Variants in BEGAIN observed in about 807,000 individuals in gnomAD.
BEGAIN encodes brain-enriched guanylate kinase-associated protein.
In BEGAIN, 19 loss-of-function variants were observed where a neutral mutation model predicts 35.8. That is an observed-to-expected ratio of 0.53 (90% CI 0.37 to 0.78). The LOEUF is 0.78. Among genes scored for constraint, BEGAIN ranks in the 30% least tolerant of loss-of-function variants. The pLI is 0.00. For synonymous variants in BEGAIN, 462 were observed against 388.6 expected (o/e 1.19, Z -2.22); for missense variants, 795 against 853.6 (o/e 0.93, Z 0.85).
rs1301339942 is a variant in BEGAIN at position 100,567,838 on chromosome 14, C to T, written c.71+73G>A. 12 of 1,395,510 alleles carry T rather than the reference C, an allele frequency of 8.6e-6. No homozygotes were observed. The South Asian group carries it at 1.0e-4, about 12-fold the overall frequency. 86.4% of individuals were successfully genotyped at this position (1,395,510 alleles called of 1,614,324 possible). ...GGATGCGCTCGGGTGGAGCCCCCTT[C>T]CCCCGCCTTCCCCAGCGCCCTCACC... is the stretch of plus-strand genomic sequence containing the variant. On this transcript the variant is annotated intron_variant, in intron 2 of 6. Coordinates refer to ENST00000554140, the MANE Select transcript of BEGAIN (RefSeq NM_001385089.1). The surrounding 1 kb of genome is among the most constrained non-coding windows in gnomAD (Gnocchi z 5.1).
intron 1 of BEGAIN, among the ~76,000 whole-genome samples, chr14:100,585,419 TC>T (rs2035422445): frequency 1.4e-4 from 4 of 29,412 alleles, no homozygotes; most frequent in Non-Finnish European, 3.9e-4. Flanking sequence ...CTCCCTCCCA[TC>T]CATCCATCCA....
chr14:100,543,895 T>C lies in BEGAIN; in HGVS notation c.371A>G (p.Glu124Gly). ...EIVALNSHLL[E>G]AKVTIDKLSE... ...CAGCTTGTCGATGGTCACCTTGGCT[T>C]CTAGCAGATGGCTGTTGAGGGCAAC... The change falls in exon 5 of 7, where the codon GAA becomes GGA. Residue 124 changes from glutamate (E) to glycine (G), a missense_variant. By Grantham distance (98) the Glu-to-Gly change is moderately conservative. Transcript: ENST00000554140. 1.2e-6 allele frequency: 2 copies of C among 1,613,718 alleles called. No homozygotes were observed. Among genetic ancestry groups the C allele is most frequent in the Non-Finnish European group, 1.7e-6 (2 of 1,179,894 alleles).
rs574290867 is a variant in BEGAIN at position 100,562,998 on chromosome 14, G to A, written c.71+4913C>T. ...AGCAGGGCCGGCTCACGGGGCCCAC[G>A]CGGGAGACTTGGGTGGGAGAGGGTG... On this transcript the variant is annotated intron_variant, in intron 2 of 6. Transcript: ENST00000554140. Among the ~76,000 whole-genome samples the A allele has an allele frequency of 4.3e-3, 658 of 152,298 alleles. 13 individuals carry two copies. The highest frequency in any genetic ancestry group is 0.036 in the South Asian group (175 of 4,828).
chr14:100,557,619 T>C (rs527796158), intron 2 of BEGAIN, among the ~76,000 whole-genome samples: 104 of 152,178 alleles, frequency 6.8e-4, no homozygotes, highest in African/African-American at 2.5e-3. Context: ...ACTCTCCTCA[T>C]TGTACTAAGG....
chr14:100,566,867 T>C (rs1477115667), intron 2 of BEGAIN, among the ~76,000 whole-genome samples: 2 of 151,946 alleles, frequency 1.3e-5, no homozygotes, highest in Non-Finnish European at 2.9e-5. Flanking sequence ...CCACCCTGGG[T>C]CTCTGTGTGA....
chr14:100,579,281 G>T (rs2035268613), intron 1 of BEGAIN, among the ~76,000 whole-genome samples: 1 of 152,240 alleles, frequency 6.6e-6, no homozygotes, highest in Admixed American at 6.5e-5. Context: ...GTTAGGGTGA[G>T]AAAAAGCAGT....
intron 5 of BEGAIN, among the ~76,000 whole-genome samples, chr14:100,542,613 T>C (rs1374224208): frequency 6.6e-6 from 1 of 152,268 alleles, no homozygotes; most frequent in Non-Finnish European, 1.5e-5. Context: ...CTCTGAATCC[T>C]GTAGCTGGGT....
At chr14:100,548,045 G>A (rs367783852) in intron 2 of BEGAIN, 7 of 151,862 alleles carry the variant, frequency 4.6e-5, no homozygotes, top group Admixed American at 3.3e-4. Context: ...AAAATAAAGC[G>A]TCGCTTACGT....
At chr14:100,570,519 G>A (rs1001186353) in intron 1 of BEGAIN, among the ~76,000 whole-genome samples, 1 of 152,246 alleles carries the variant, frequency 6.6e-6, no homozygotes, top group Non-Finnish European at 1.5e-5. Flanking sequence ...GGAACTCTGG[G>A]GAGTCACTGA....
Position 100,539,023 on chromosome 14 carries a change from C to G in BEGAIN, c.785G>C (p.Arg262Pro). Residue 262 changes from arginine (R) to proline (P), a missense_variant, in exon 7 of 7, where the codon CGG (arginine) becomes CCG (proline). Physicochemically the swap from Arg to Pro is moderately radical, Grantham distance 103. Coordinates refer to ENST00000554140, the MANE Select transcript of BEGAIN (RefSeq NM_001385089.1). ...LYCPEERRRD[R>P]RPSVDAPVTD... ...CACGGGCGCGTCCACGCTAGGCCGC[C>G]GGTCTCGCCGCCGCTCCTCCGGGCA... 6.2e-7 allele frequency: 1 copy of G among 1,611,338 alleles called. No individual in the cohort carries two copies.
At chr14:100,549,670 C>G (rs1451594968) in intron 2 of BEGAIN, 1 of 152,286 alleles carries the variant, frequency 6.6e-6, no homozygotes, top group Non-Finnish European at 1.5e-5. Context: ...GACACGGGGG[C>G]AGGGCTGTTG....
At position 100,563,627 on chromosome 14, in the gene BEGAIN, T is replaced by C. The variant is rs973224253; in HGVS notation, c.71+4284A>G. 3.9e-5 allele frequency among the ~76,000 whole-genome samples: 6 copies of C among 152,158 alleles called. No individual in the cohort carries two copies. The highest frequency in any genetic ancestry group is 6.5e-5 in the Admixed American group (1 of 15,282). ...CCCAACAACGCTGGAGGGACAGTGA[T>C]GGGGAGAAGCGGTTTCAAGAGTCTG... is the stretch of plus-strand genomic sequence containing the variant. On this transcript the variant is annotated intron_variant, in intron 2 of 6. Transcript: ENST00000554140. This position sits in a 1 kb window ranked among gnomAD's most constrained non-coding sequence, Gnocchi z 4.2.
rs1228698997 is a variant in BEGAIN, at chr14:100,572,076, A to G, written c.43-4137T>C. On this transcript the variant is annotated intron_variant, in intron 1 of 6. Coordinates refer to ENST00000554140, the MANE Select transcript of BEGAIN (RefSeq NM_001385089.1). ...CACCTGCTCCTCAGCCCTGGGCAGC[A>G]TCCTTCCTGCTCTCACAGCAGGGTC... Among the ~76,000 whole-genome samples the G allele has an allele frequency of 2.0e-5, 3 of 152,114 alleles. No homozygotes were observed. In the East Asian group the frequency reaches 5.8e-4, roughly 29 times the overall value.
At chr14:100,580,022 A>G (rs2035283156) in intron 1 of BEGAIN, among the ~76,000 whole-genome samples, 1 of 138,644 alleles carries the variant, frequency 7.2e-6, no homozygotes, top group African/African-American at 2.8e-5. Flanking sequence ...ATCACAGACC[A>G]GGCCGGGTGC....
intron 3 of BEGAIN, among the ~76,000 whole-genome samples, chr14:100,545,763 A>G (rs538277502): frequency 6.6e-6 from 1 of 152,320 alleles, no homozygotes; most frequent in East Asian, 1.9e-4. Context: ...TGGTTTCCAC[A>G]TGAATGGAGG....
chr14:100,551,285 C>A (rs1391814882), intron 2 of BEGAIN, among the ~76,000 whole-genome samples: 1 of 152,158 alleles, frequency 6.6e-6, no homozygotes, highest in Non-Finnish European at 1.5e-5. Flanking sequence ...AGACGAGTGC[C>A]CTCTTGGTTG....
intron 2 of BEGAIN, among the ~76,000 whole-genome samples, chr14:100,551,882 C>T (rs1015818778): frequency 1.3e-5 from 2 of 152,058 alleles, no homozygotes; most frequent in African/African-American, 4.8e-5. Context: ...GGAAGTGGGT[C>T]GGGGCGGTGG....
intron 2 of BEGAIN, among the ~76,000 whole-genome samples, chr14:100,555,576 T>C (rs938118342): frequency 6.6e-6 from 1 of 152,184 alleles, no homozygotes; most frequent in Non-Finnish European, 1.5e-5. Flanking sequence ...AGGAAACAGG[T>C]TCACAGCGCT....
intron 2 of BEGAIN, among the ~76,000 whole-genome samples, chr14:100,554,142 C>A (rs1190020693): frequency 6.6e-6 from 1 of 152,186 alleles, no homozygotes; most frequent in Non-Finnish European, 1.5e-5. Flanking sequence ...CAGGAGGAAA[C>A]CCTTTCTAGC....
Sources: gnomAD v4.1 joint callset for allele counts (sites outside exome capture counted in the v4.1 genomes callset) on GRCh38, gnomAD v4.1.1 for gene constraint, Gnocchi (gnomAD v3.1) non-coding constraint, MANE v1.5 for transcripts, NCBI Gene and HGNC (gene_info 2026-07-23, HGNC 2026-07-21) for gene names.